Variants in ELMO1 observed in about 807,000 individuals in gnomAD.
ELMO1 encodes the protein engulfment and cell motility protein 1.
In ELMO1, 26 loss-of-function variants were observed where a neutral mutation model predicts 98.9. The observed-to-expected ratio is 0.26, with a 90% CI of 0.19 to 0.36. The LOEUF is 0.36. Among genes scored for constraint, ELMO1 ranks in the 10% least tolerant of loss-of-function variants. ELMO1 has a pLI of 1.00. For missense variants in ELMO1, 627 were observed against 935.2 expected (o/e 0.67, Z 4.30); for synonymous variants, 346 against 346.0 (o/e 1.00, Z 0.00).
intron 13 of ELMO1, among the ~76,000 whole-genome samples, chr7:37,150,049 C>G (rs1160374259): frequency 6.6e-6 from 1 of 152,150 alleles, no homozygotes; most frequent in Non-Finnish European, 1.5e-5. Context: ...TGACTCAATG[C>G]CCAAATTTTG....
At chr7:37,210,779 C>T (rs1237793200) in intron 13 of ELMO1, among the ~76,000 whole-genome samples, 1 of 151,898 alleles carries the variant, frequency 6.6e-6, no homozygotes, top group Non-Finnish European at 1.5e-5. Context: ...AGCCGAAGGT[C>T]ACTCAGAGAC....
chr7:37,406,593 A>G lies in ELMO1; in HGVS notation c.-74+42082T>C, dbSNP rs530693130. ...TACAGGCAGCTACCATCACGCCCGGATAATTTTTTTGTATTTTTTTTTTTA... is the reference window on the plus strand; with the variant it reads ...TACAGGCAGCTACCATCACGCCCGGGTAATTTTTTTGTATTTTTTTTTTTA... On this transcript the variant is annotated intron_variant, in intron 1 of 21. Transcript: ENST00000310758. Among the ~76,000 whole-genome samples the G allele has an allele frequency of 6.6e-5, 10 of 151,680 alleles. No individual in the cohort carries two copies. The East Asian group carries it at 1.9e-3, about 30-fold the overall frequency.
At chr7:37,207,308 T>C (rs1792688695) in intron 13 of ELMO1, among the ~76,000 whole-genome samples, 1 of 152,196 alleles carries the variant, frequency 6.6e-6, no homozygotes, top group South Asian at 2.1e-4. Context: ...CCCAGCACTT[T>C]GGGAGGCCAA....
chr7:37,113,899 C>A (rs188559172), intron 14 of ELMO1, among the ~76,000 whole-genome samples: 4 of 152,286 alleles, frequency 2.6e-5, no homozygotes, highest in East Asian at 3.9e-4. Context: ...AGACACCAAC[C>A]CTGCCAGTAG....
chr7:37,024,714 A>G (rs1794469684), intron 15 of ELMO1, among the ~76,000 whole-genome samples: 1 of 152,258 alleles, frequency 6.6e-6, no homozygotes, highest in African/African-American at 2.4e-5. Context: ...TATAGTGGAA[A>G]GATTCCCATA....
intron 13 of ELMO1, among the ~76,000 whole-genome samples, chr7:37,201,467 A>T (rs1435755814): frequency 6.6e-6 from 1 of 152,232 alleles, no homozygotes; most frequent in Non-Finnish European, 1.5e-5. Context: ...ACTGGGAATG[A>T]GAGTTGGGAG....
chr7:36,904,696 G>A (rs1783828970), intron 16 of ELMO1, among the ~76,000 whole-genome samples: 1 of 152,184 alleles, frequency 6.6e-6, no homozygotes, highest in South Asian at 2.1e-4. Flanking sequence ...GTGCTCAGTT[G>A]AAGAACAATG....
chr7:37,177,505 A>G (rs1790560083), intron 13 of ELMO1, among the ~76,000 whole-genome samples: 1 of 152,236 alleles, frequency 6.6e-6, no homozygotes, highest in Admixed American at 6.5e-5. Flanking sequence ...AATTTGAATT[A>G]AATCTTAGGA....
At chr7:37,177,834 A>G (rs932049768) in intron 13 of ELMO1, among the ~76,000 whole-genome samples, 1 of 152,180 alleles carries the variant, frequency 6.6e-6, no homozygotes, top group Non-Finnish European at 1.5e-5. Context: ...ATCTGTATCT[A>G]TGTTACTCTT....
chr7:37,265,120 C>T (rs572137802), intron 5 of ELMO1, among the ~76,000 whole-genome samples: 15 of 152,196 alleles, frequency 9.9e-5, no homozygotes, highest in Admixed American at 4.6e-4. Flanking sequence ...GAAATCAAAG[C>T]AATCAGCCAG....
At chr7:37,039,841 G>A (rs753548601) in intron 15 of ELMO1, among the ~76,000 whole-genome samples, 3 of 152,200 alleles carry the variant, frequency 2.0e-5, no homozygotes, top group African/African-American at 7.2e-5. Context: ...CATGCTGATT[G>A]AAGATAAATT....
chr7:37,441,703 G>C (rs1463275638), intron 1 of ELMO1, among the ~76,000 whole-genome samples: 3 of 152,180 alleles, frequency 2.0e-5, no homozygotes, highest in Admixed American at 6.5e-5. Flanking sequence ...AATTCAAAAC[G>C]TTGTTAAGAA....
At chr7:37,374,522 C>T (rs552782197) in intron 1 of ELMO1, among the ~76,000 whole-genome samples, 4 of 151,826 alleles carry the variant, frequency 2.6e-5, no homozygotes, top group Admixed American at 1.3e-4. Context: ...GAGGCCGAGG[C>T]GGGTGGATCA....
chr7:37,200,008 T>G (rs1449078135), intron 13 of ELMO1, among the ~76,000 whole-genome samples: 2 of 152,204 alleles, frequency 1.3e-5, no homozygotes, highest in Admixed American at 6.5e-5. Flanking sequence ...CCTGATCTTC[T>G]TCAGTTTTTC....
At chr7:37,195,967 TATGAACAATA>T (rs1294171466) in intron 13 of ELMO1, among the ~76,000 whole-genome samples, 3 of 152,232 alleles carry the variant, frequency 2.0e-5, no homozygotes, top group Non-Finnish European at 4.4e-5. Context: ...AGGCTCCATC[TATGAACAATA>T]GAAGGCAAAA....
intron 5 of ELMO1, among the ~76,000 whole-genome samples, chr7:37,268,834 G>A (rs1379685711): frequency 6.6e-6 from 1 of 152,240 alleles, no homozygotes; most frequent in Non-Finnish European, 1.5e-5. Flanking sequence ...GTGATAAAGG[G>A]AGACAGAAAA....
chr7:37,357,835 C>A (rs752559299), intron 1 of ELMO1, among the ~76,000 whole-genome samples: 2 of 152,214 alleles, frequency 1.3e-5, no homozygotes, highest in Non-Finnish European at 2.9e-5. Context: ...GAGAGCTTTT[C>A]ACACAAACAT....
At chr7:36,967,311 A>C (rs1789526621) in intron 16 of ELMO1, among the ~76,000 whole-genome samples, 1 of 152,202 alleles carries the variant, frequency 6.6e-6, no homozygotes, top group Non-Finnish European at 1.5e-5. Flanking sequence ...AAAATGACAA[A>C]GGAAGGGTAC....
intron 16 of ELMO1, among the ~76,000 whole-genome samples, chr7:36,993,796 C>T (rs1584488679): frequency 1.3e-5 from 2 of 152,152 alleles, no homozygotes; most frequent in South Asian, 2.1e-4. Context: ...ATCCCTACCC[C>T]CACCAAGTCA....
Sources: gnomAD v4.1 joint callset for allele counts (sites outside exome capture counted in the v4.1 genomes callset) on GRCh38, gnomAD v4.1.1 for gene constraint, MANE v1.5 for transcripts, NCBI Gene and HGNC (gene_info 2026-07-23, HGNC 2026-07-21) for gene names.